LAMA2: variants seen among roughly 807,000 people sequenced by gnomAD.
The protein encoded by LAMA2 is laminin subunit alpha 2, also known as laminin subunit alpha-2.
A neutral mutation model predicts 364.8 loss-of-function variants in LAMA2; 269 were observed. The ratio of observed to expected loss-of-function variants is 0.74; its 90% confidence interval spans 0.67 to 0.82. The LOEUF is 0.82. LAMA2 is among the 40% of genes least tolerant of loss of function. The pLI is 0.00. For synonymous variants in LAMA2, 1,379 were observed against 1,370.6 expected, an observed-to-expected ratio of 1.01 and a Z score of -0.14; for missense variants, 3,807 against 3,873.2, an observed-to-expected ratio of 0.98 and a Z score of 0.45.
At chr6:129,331,629 A>C (rs1321990559) in intron 29 of LAMA2, among the ~76,000 whole-genome samples, 2 of 151,320 alleles carry the variant, frequency 1.3e-5, no homozygotes, top group Non-Finnish European at 2.9e-5. Flanking sequence ...ACTCTGGCTA[A>C]TCTCTCCTCC....
intron 35 of LAMA2, among the ~76,000 whole-genome samples, chr6:129,388,650 A>G (rs537327965): frequency 1.3e-5 from 2 of 152,142 alleles, no homozygotes; most frequent in East Asian, 1.9e-4. Context: ...TTCAAAAGAT[A>G]TTTCTTATGA....
At chr6:129,487,024 C>T (rs1348145338) in intron 56 of LAMA2, among the ~76,000 whole-genome samples, 1 of 152,196 alleles carries the variant, frequency 6.6e-6, no homozygotes, top group African/African-American at 2.4e-5. Flanking sequence ...GGTTCCAAAG[C>T]AGTTATGGCA....
intron 51 of LAMA2, among the ~76,000 whole-genome samples, chr6:129,470,910 C>T (rs1783780670): frequency 1.3e-5 from 2 of 151,846 alleles, no homozygotes; most frequent in African/African-American, 4.8e-5. Flanking sequence ...GTTACAGAAC[C>T]ACAGTCCCTG....
At chr6:129,409,862 T>C (rs1321703291) in intron 40 of LAMA2, among the ~76,000 whole-genome samples, 1 of 152,196 alleles carries the variant, frequency 6.6e-6, no homozygotes, top group Non-Finnish European at 1.5e-5. Context: ...GGTCACTCAA[T>C]AAATGGGCCC....
intron 1 of LAMA2, among the ~76,000 whole-genome samples, chr6:128,890,805 G>C (rs13195988): frequency 2.6e-5 from 4 of 151,990 alleles, no homozygotes; most frequent in African/African-American, 9.7e-5. Flanking sequence ...AACCCTTTAA[G>C]AATAGTCAAT....
chr6:128,913,533 G>T (rs1183785522), intron 1 of LAMA2, among the ~76,000 whole-genome samples: 2 of 152,080 alleles, frequency 1.3e-5, no homozygotes, highest in African/African-American at 4.8e-5. Context: ...TACTGACTAT[G>T]GGCATTTTAA....
At chr6:129,491,075 A>G (rs1000434295) in intron 56 of LAMA2, 1 of 152,246 alleles carries the variant, frequency 6.6e-6, no homozygotes. Context: ...CTCTCCAGAT[A>G]TGAAGTAAGT....
intron 12 of LAMA2, among the ~76,000 whole-genome samples, chr6:129,210,413 CA>C (rs1173822767): frequency 6.6e-6 from 1 of 152,148 alleles, no homozygotes; most frequent in East Asian, 1.9e-4. Flanking sequence ...CACACACACA[CA>C]CACACACCAC....
At position 129,004,406 on chromosome 6, in the gene LAMA2, TAAAAAAA is replaced by T. The variant is rs61244248; in HGVS notation, c.113-45494_113-45488del. Among the ~76,000 whole-genome samples, 6 of 53,816 alleles carry T rather than the reference TAAAAAAA, an allele frequency of 1.1e-4. 1 individual carries two copies. Among genetic ancestry groups the T allele is most frequent in the Non-Finnish European group, 1.9e-4 (6 of 31,650 alleles). The allele number at this position is 53,816 out of a possible 152,430, so 35.3% of individuals were successfully genotyped here. On this transcript the variant is annotated intron_variant, in intron 1 of 64. Transcript: ENST00000421865. ...TACCCTAAAACTTAGAGTATAATAA[TAAAAAAA>T]AAAAAAAAAAAAAAAAAGAAGTATG...
At chr6:129,275,685 C>A (rs1031554343) in intron 17 of LAMA2, among the ~76,000 whole-genome samples, 9 of 148,096 alleles carry the variant, frequency 6.1e-5, no homozygotes, top group African/African-American at 2.0e-4. Flanking sequence ...AAATACCTTT[C>A]ACGTTAAATC....
At chr6:129,242,629 T>C (rs891713279) in intron 12 of LAMA2, among the ~76,000 whole-genome samples, 1 of 152,170 alleles carries the variant, frequency 6.6e-6, no homozygotes, top group Admixed American at 6.5e-5. Context: ...TTGCACTGAA[T>C]ATTTACACAC....
At chr6:129,129,841 G>A (rs958671817) in intron 4 of LAMA2, among the ~76,000 whole-genome samples, 2 of 147,806 alleles carry the variant, frequency 1.4e-5, no homozygotes, top group Admixed American at 6.7e-5. Context: ...GGAGAATGGC[G>A]TGAACCCGGG....
intron 21 of LAMA2, 48 bp from the exon 22 acceptor site, chr6:129,300,688 T>A (rs780054549): frequency 1.2e-6 from 2 of 1,601,382 alleles, no homozygotes; most frequent in Non-Finnish European, 1.7e-6. Flanking sequence ...TTGTGTCAAA[T>A]TTTTACTATT....
intron 3 of LAMA2, among the ~76,000 whole-genome samples, chr6:129,077,327 C>A (rs2114831022): frequency 6.6e-6 from 1 of 152,004 alleles, no homozygotes; most frequent in East Asian, 1.9e-4. Flanking sequence ...ATGGAGTGGG[C>A]AAGTAAAAAG....
chr6:129,353,132 A>C, intron 31 of LAMA2, 32 bp from the exon 32 acceptor site: 1 of 1,569,952 alleles, frequency 6.4e-7, no homozygotes, highest in Non-Finnish European at 8.8e-7. Context: ...CTTGCTATTA[A>C]CCTCTTTTGC....
chr6:129,155,350 C>G (rs911403768), intron 8 of LAMA2, among the ~76,000 whole-genome samples: 11 of 151,838 alleles, frequency 7.2e-5, no homozygotes, highest in Non-Finnish European at 1.6e-4. Context: ...AAATGTTCAC[C>G]AAAAAGTTAT....
At chr6:129,370,798 T>A (rs796530332) in intron 34 of LAMA2, among the ~76,000 whole-genome samples, 4 of 152,350 alleles carry the variant, frequency 2.6e-5, no homozygotes, top group African/African-American at 9.6e-5. Context: ...TACAATTTGC[T>A]AAACTCAGGG....
rs1365657711 is a variant in LAMA2, at chr6:128,943,269, C to CACACAG, written c.112+59913_112+59914insCACAGA. On this transcript the variant is annotated intron_variant, in intron 1 of 64. Coordinates refer to ENST00000421865, the MANE Select transcript of LAMA2 (RefSeq NM_000426.4). ...GAGAGAGTGTGTGTGTATATATACA[C>CACACAG]AGAGAGAGAGAGAGAGAGAGAGAGA... 2.3e-4 allele frequency among the ~76,000 whole-genome samples: 33 copies of CACACAG among 143,082 alleles called. 1 individual carries two copies. Among genetic ancestry groups the CACACAG allele is most frequent in the African/African-American group, 8.1e-4 (31 of 38,502 alleles). 93.9% of individuals were successfully genotyped at this position (143,082 alleles called of 152,430 possible).
At chr6:129,228,603 A>G (rs1374038224) in intron 12 of LAMA2, among the ~76,000 whole-genome samples, 1 of 152,226 alleles carries the variant, frequency 6.6e-6, no homozygotes, top group Non-Finnish European at 1.5e-5. Flanking sequence ...ATATATTAGT[A>G]TCATAACACA....
Sources: gnomAD v4.1 joint callset for allele counts (sites outside exome capture counted in the v4.1 genomes callset) on GRCh38, gnomAD v4.1.1 for gene constraint, MANE v1.5 for transcripts, NCBI Gene and HGNC (gene_info 2026-07-23, HGNC 2026-07-21) for gene names.